The following RAD51B variants were observed in gnomAD, a reference collection of about 807,000 sequenced individuals.
RAD51B encodes the protein DNA repair protein RAD51 homolog 2.
RAD51B carries 38 observed loss-of-function variants against 42.2 expected under a neutral mutation model. The ratio of observed to expected loss-of-function variants is 0.90; its 90% CI spans 0.70 to 1.18. The LOEUF (loss-of-function observed/expected upper bound fraction) is 1.18. RAD51B is among the 50% of genes most tolerant of loss of function. RAD51B has a pLI of 0.00. For synonymous variants in RAD51B, 154 were observed against 145.2 expected (o/e 1.06, Z -0.43); for missense variants, 373 against 400.7 (o/e 0.93, Z 0.59).
chr14:68,331,167 G>A (rs746842730), intron 8 of RAD51B, among the ~76,000 whole-genome samples: 3 of 151,786 alleles, frequency 2.0e-5, no homozygotes, highest in African/African-American at 7.3e-5. Flanking sequence ...TTCAAGACCA[G>A]CCTGGCTAAC....
At chr14:68,062,832 G>GAA (rs1279926030) in intron 7 of RAD51B, among the ~76,000 whole-genome samples, 6 of 124,310 alleles carry the variant, frequency 4.8e-5, no homozygotes, top group African/African-American at 1.9e-4. Context: ...AAAAAAAAAA[G>GAA]AAAAAAAAAA....
chr14:68,140,062 A>T (rs1002903527), intron 7 of RAD51B, among the ~76,000 whole-genome samples: 1 of 152,222 alleles, frequency 6.6e-6, no homozygotes. Context: ...TGATCGTCTC[A>T]TTAAGCCCTA....
chr14:67,969,437 C>T (rs2074853650), intron 7 of RAD51B, among the ~76,000 whole-genome samples: 1 of 152,124 alleles, frequency 6.6e-6, no homozygotes, highest in Non-Finnish European at 1.5e-5. Flanking sequence ...GTAACCAGGA[C>T]TCTTTGTTTA....
chr14:67,948,604 A>C, intron 7 of RAD51B, among the ~76,000 whole-genome samples: 1 of 152,068 alleles, frequency 6.6e-6, no homozygotes, highest in East Asian at 1.9e-4. Context: ...ACTACATTGT[A>C]GTCTATTAAG....
chr14:68,296,737 G>A (rs1459574800), intron 8 of RAD51B, among the ~76,000 whole-genome samples: 1 of 152,132 alleles, frequency 6.6e-6, no homozygotes, highest in Non-Finnish European at 1.5e-5. Context: ...ACTTCATTAT[G>A]GTGACATGGC....
At chr14:68,534,204 A>G (rs1001816548) in intron 10 of RAD51B, among the ~76,000 whole-genome samples, 1 of 151,940 alleles carries the variant, frequency 6.6e-6, no homozygotes, top group Non-Finnish European at 1.5e-5. Context: ...AGGCTAGGCT[A>G]TGGCCATTTT....
At chr14:67,914,243 A>G (rs1295949290) in intron 7 of RAD51B, among the ~76,000 whole-genome samples, 7 of 152,198 alleles carry the variant, frequency 4.6e-5, no homozygotes, top group Admixed American at 4.6e-4. Context: ...TTGCCCTCCC[A>G]AAGTGTTAGG....
At chr14:68,451,058 G>T (rs2085547155) in intron 9 of RAD51B, among the ~76,000 whole-genome samples, 1 of 152,114 alleles carries the variant, frequency 6.6e-6, no homozygotes, top group Admixed American at 6.5e-5. Flanking sequence ...AGGGCCCTCT[G>T]TTTCAGGCAA....
At chr14:68,114,237 C>T (rs976254802) in intron 7 of RAD51B, 1 of 152,058 alleles carries the variant, frequency 6.6e-6, no homozygotes, top group Non-Finnish European at 1.5e-5. Context: ...AACCCTTCAG[C>T]CTCACTGAAC....
chr14:68,194,750 T>C (rs1021029646), intron 7 of RAD51B, among the ~76,000 whole-genome samples: 3 of 152,200 alleles, frequency 2.0e-5, no homozygotes, highest in Admixed American at 6.5e-5. Flanking sequence ...AAAAGAGGAC[T>C]TTTGAGATTT....
intron 7 of RAD51B, among the ~76,000 whole-genome samples, chr14:68,107,732 A>T (rs1305707025): frequency 6.6e-6 from 1 of 151,816 alleles, no homozygotes; most frequent in African/African-American, 2.4e-5. Context: ...AGTCTCTTCA[A>T]CACATAATAC....
Position 68,220,851 on chromosome 14 carries a change from G to A in RAD51B, c.757-71033G>A, listed in dbSNP as rs143715175. 9.3e-3 allele frequency among the ~76,000 whole-genome samples: 1,411 copies of A among 152,234 alleles called. 21 individuals are homozygous for A. Among genetic ancestry groups the A allele is most frequent in the African/African-American group, 0.032 (1,324 of 41,534 alleles). On this transcript the variant is annotated intron_variant, in intron 7 of 10. Coordinates refer to ENST00000471583, the MANE Select transcript of RAD51B (RefSeq NM_133510.4). ...AGAATCAAATCAAGAACTCAACCCC[G>A]GCCAGGCATGGTGGCTCACACCTGT...
chr14:68,345,227 T>C (rs945609663), intron 8 of RAD51B, among the ~76,000 whole-genome samples: 2 of 152,138 alleles, frequency 1.3e-5, no homozygotes, highest in Non-Finnish European at 1.5e-5. Context: ...GGAGAACTAT[T>C]GAGAAAGGAT....
downstream of RAD51B, among the ~76,000 whole-genome samples, chr14:68,480,453 C>T (rs1246393232): frequency 6.6e-6 from 1 of 152,144 alleles, no homozygotes; most frequent in African/African-American, 2.4e-5. Context: ...TTTTTCTCCC[C>T]TACAGTTTCT....
At chr14:68,025,766 T>C (rs1220768928) in intron 7 of RAD51B, among the ~76,000 whole-genome samples, 1 of 152,080 alleles carries the variant, frequency 6.6e-6, no homozygotes, top group Non-Finnish European at 1.5e-5. Context: ...TCTTTTTTGT[T>C]AATTTAGCTA....
At chr14:68,509,899 TG>T (rs1278967802) in intron 10 of RAD51B, among the ~76,000 whole-genome samples, 1 of 152,262 alleles carries the variant, frequency 6.6e-6, no homozygotes, top group Admixed American at 6.5e-5. Context: ...CTTTAGCTTA[TG>T]GGGGGTGCCC....
At chr14:68,162,540 C>T (rs2078662597) in intron 7 of RAD51B, among the ~76,000 whole-genome samples, 1 of 152,166 alleles carries the variant, frequency 6.6e-6, no homozygotes, top group South Asian at 2.1e-4. Flanking sequence ...AATACTAGCA[C>T]TTTGGGAGGC....
At chr14:68,527,257 A>C (rs1886993475) in intron 10 of RAD51B, among the ~76,000 whole-genome samples, 1 of 152,158 alleles carries the variant, frequency 6.6e-6, no homozygotes, top group Non-Finnish European at 1.5e-5. Context: ...GGTTTGAATT[A>C]CAGTATTTTT....
At chr14:68,108,276 C>T (rs567604984) in intron 7 of RAD51B, among the ~76,000 whole-genome samples, 2 of 151,948 alleles carry the variant, frequency 1.3e-5, no homozygotes, top group South Asian at 2.1e-4. Context: ...TAGGTATATA[C>T]CCAAGAGAAC....
Sources: allele counts gnomAD v4.1 joint callset (sites outside exome capture counted in the v4.1 genomes callset), GRCh38; gene constraint gnomAD v4.1.1; transcripts MANE v1.5; gene names NCBI Gene and HGNC (gene_info 2026-07-23, HGNC 2026-07-21).